Variants in TXN2 observed in about 807,000 individuals in gnomAD.
TXN2 encodes the protein thioredoxin 2.
In TXN2, 12 loss-of-function variants were observed where a neutral mutation model predicts 14.6. That is an observed-to-expected ratio of 0.82 (90% CI 0.53 to 1.33). The LOEUF (loss-of-function observed/expected upper bound fraction) is 1.33, where lower values mean the gene tolerates loss of function less well. TXN2 is among the 40% of genes most tolerant of loss of function. The pLI is 0.00. For missense variants in TXN2, 173 were observed against 207.7 expected (o/e 0.83, Z 1.03); for synonymous variants, 89 against 81.0 (o/e 1.10, Z -0.53).
intron 2 of TXN2, among the ~76,000 whole-genome samples, chr22:36,478,009 C>G (rs1352264288): frequency 6.6e-6 from 1 of 151,758 alleles, no homozygotes; most frequent in South Asian, 2.1e-4. Flanking sequence ...TGGTGGTGTG[C>G]GCCTGTAATC....
intron 3 of TXN2, among the ~76,000 whole-genome samples, chr22:36,469,041 CATAAATAAATAA>C (rs569570066): frequency 2.0e-5 from 3 of 146,394 alleles, no homozygotes; most frequent in Admixed American, 6.7e-5. Flanking sequence ...GACTCCATCT[CATAAATAAATAA>C]ATAAATAAAT....
intron 1 of TXN2, 57 bp downstream of exon 1, chr22:36,481,507 G>A: frequency 1.1e-6 from 1 of 921,790 alleles, no homozygotes; most frequent in African/African-American, 1.8e-5. Context: ...GCAGGAACGC[G>A]CTCGCGGCAT....
chr22:36,467,963 C>G, intron 3 of TXN2, 46 bp from the exon 4 acceptor site: 2 of 1,515,548 alleles, frequency 1.3e-6, no homozygotes, highest in Non-Finnish European at 1.8e-6. Context: ...GGAGTGAATA[C>G]TTCTCAACTG....
intron 3 of TXN2, among the ~76,000 whole-genome samples, chr22:36,474,049 C>T (rs1234008472): frequency 2.0e-5 from 3 of 152,198 alleles, no homozygotes; most frequent in East Asian, 1.9e-4. Flanking sequence ...CTGAAGCCCA[C>T]GCGTGACCTG....
rs180857307 is a variant in TXN2, at chr22:36,467,770, C to T, written c.*34G>A. 7 of 1,566,650 alleles carry T rather than the reference C, an allele frequency of 4.5e-6. No homozygotes were observed. The highest frequency in any genetic ancestry group is 1.4e-5 in the African/African-American group (1 of 74,022). On this transcript the variant is annotated 3_prime_UTR_variant, in exon 4 of 4. Coordinates refer to ENST00000216185, the MANE Select transcript of TXN2 (RefSeq NM_012473.4). ...AGGGCTGAGTTCTATTGGGGTCCCA[C>T]GCGGGCAAGGGAACCAGGACTCATC...
intron 3 of TXN2, 124 bp downstream of exon 3, chr22:36,476,609 G>C (rs892285304): frequency 1.9e-5 from 26 of 1,399,820 alleles, no homozygotes; most frequent in Non-Finnish European, 2.4e-5. Flanking sequence ...AAAAGCTCTG[G>C]AAAAACCAAG....
At chr22:36,468,293 G>A (rs985508371) in intron 3 of TXN2, among the ~76,000 whole-genome samples, 7 of 152,232 alleles carry the variant, frequency 4.6e-5, no homozygotes, top group African/African-American at 1.7e-4. Context: ...ACAGAAGCTG[G>A]GGGACAGTTC....
intron 3 of TXN2, among the ~76,000 whole-genome samples, chr22:36,471,230 C>T (rs1316066133): frequency 2.6e-5 from 4 of 152,308 alleles, no homozygotes; most frequent in East Asian, 1.9e-4. Context: ...GGAAAAGATA[C>T]GCTACGACGT....
At position 36,467,894 on chromosome 22, in the gene TXN2, C is replaced by T. The variant is rs774537044; in HGVS notation, c.411G>A (p.Leu137=). 6.2e-7 allele frequency: 1 copy of T among 1,614,236 alleles called. No individual in the cohort carries two copies. The highest frequency in any genetic ancestry group is 1.7e-5 in the Admixed American group (1 of 60,026). ...CCACCACGTCCCCATTCTTCATGGC[C>T]AGCACAGTGGGCACCGCTGACACCT... The part of the protein sequence containing the change: ...EYEVSAVPTV[L]AMKNGDVVDK... Residue 137 remains leucine (L), a synonymous_variant, in exon 4 of 4, where the codon CTG becomes CTA. Transcript: ENST00000216185.
rs774995080 is a variant in TXN2 at position 36,476,165 on chromosome 22, A to G, written c.387+568T>C. On this transcript the variant is annotated intron_variant, in intron 3 of 3. Transcript: ENST00000216185. ...TGTGGGTAGATGGATAAAGGAATGT[A>G]CCAATGTCTGAGACTAAGTGAATGA... Among the ~76,000 whole-genome samples, 26 of 152,154 alleles carry G rather than the reference A, an allele frequency of 1.7e-4. 1 individual carries two copies. Among genetic ancestry groups the G allele is most frequent in the South Asian group, 8.3e-4 (4 of 4,826 alleles).
At chr22:36,474,999 CA>C (rs2145824132) in intron 3 of TXN2, among the ~76,000 whole-genome samples, 1 of 152,368 alleles carries the variant, frequency 6.6e-6, no homozygotes, top group South Asian at 2.1e-4. Context: ...ATTGTTCTTC[CA>C]AAGACCCACA....
chr22:36,471,193 C>G (rs2145820987), intron 3 of TXN2, among the ~76,000 whole-genome samples: 1 of 152,296 alleles, frequency 6.6e-6, no homozygotes, highest in Admixed American at 6.5e-5. Context: ...GTGAAAGAGG[C>G]AGTGACTGAG....
chr22:36,476,319 G>A (rs1317688647), intron 3 of TXN2, among the ~76,000 whole-genome samples: 6 of 152,174 alleles, frequency 3.9e-5, no homozygotes, highest in South Asian at 2.1e-4. Context: ...CCGGCTGGGC[G>A]CAGTGGCTCA....
At chr22:36,480,890 C>A in intron 1 of TXN2, 53 bp from the exon 2 acceptor site, 6 of 1,504,596 alleles carry the variant, frequency 4.0e-6, no homozygotes, top group Non-Finnish European at 5.3e-6. Flanking sequence ...AGTCGACACA[C>A]TAGAAAAAGA....
At chr22:36,472,854 T>C (rs1933310529) in intron 3 of TXN2, among the ~76,000 whole-genome samples, 1 of 151,866 alleles carries the variant, frequency 6.6e-6, no homozygotes, top group Non-Finnish European at 1.5e-5. Context: ...CAAAGAGCAG[T>C]TCCTCCCCAC....
At chr22:36,480,114 C>T (rs1187180056) in intron 2 of TXN2, among the ~76,000 whole-genome samples, 2 of 152,132 alleles carry the variant, frequency 1.3e-5, no homozygotes, top group East Asian at 1.9e-4. Flanking sequence ...AACTCCTGAC[C>T]TCAGGTGATC....
At chr22:36,479,489 G>A (rs548046572) in intron 2 of TXN2, among the ~76,000 whole-genome samples, 2 of 151,874 alleles carry the variant, frequency 1.3e-5, no homozygotes, top group African/African-American at 2.4e-5. Context: ...CCGCCACCAC[G>A]CCCGATTAAT....
In TXN2 at chr22:36,475,543, G is replaced by T. The variant is rs1313076960; in HGVS notation, c.387+1190C>A. ...GTAAATAAAGTTTTATTGTAACACA[G>T]CCATGCCCATTTGTTTGTATAGTGT... is the stretch of plus-strand genomic sequence containing the variant. On this transcript the variant is annotated intron_variant, in intron 3 of 3. Transcript: ENST00000216185. Among the ~76,000 whole-genome samples, 5 of 152,170 alleles carry T rather than the reference G, an allele frequency of 3.3e-5. No homozygotes were observed. In the East Asian group the frequency reaches 7.7e-4, roughly 23 times the overall value.
Position 36,480,461 on chromosome 22 carries a change from T to G in TXN2, c.263+114A>C, listed in dbSNP as rs1424520544. ...GGGCAGGGACTGGGCCTGACCAGTC[T>G]GTATATTGAGTCTACATATGAGCAG... On this transcript the variant is annotated intron_variant, in intron 2 of 3. Transcript: ENST00000216185. 4.3e-6 allele frequency: 6 copies of G among 1,380,702 alleles called. No individual in the cohort carries two copies. The East Asian group carries it at 1.4e-4, about 32-fold the overall frequency. The allele number at this position is 1,380,702 out of a possible 1,614,324, so 85.5% of individuals were successfully genotyped here.
Sources: gnomAD v4.1 joint callset for allele counts (sites outside exome capture counted in the v4.1 genomes callset) on GRCh38, gnomAD v4.1.1 for gene constraint, MANE v1.5 for transcripts, NCBI Gene and HGNC (gene_info 2026-07-23, HGNC 2026-07-21) for gene names.